The following EVL variants were observed in gnomAD, a reference collection of about 807,000 sequenced individuals.
EVL encodes ena/VASP-like protein.
In EVL, 21 loss-of-function variants were observed where a neutral mutation model predicts 59.6. The ratio of observed to expected loss-of-function variants is 0.35; its 90% CI spans 0.25 to 0.51. The LOEUF is 0.51. Among genes scored for constraint, EVL ranks in the 20% least tolerant of loss-of-function variants. The pLI is 0.97. For missense variants in EVL, 462 were observed against 546.6 expected (o/e 0.85, Z 1.54); for synonymous variants, 198 against 203.5 (o/e 0.97, Z 0.23).
intron 1 of EVL, among the ~76,000 whole-genome samples, chr14:100,018,368 TG>T (rs2061069192): frequency 6.6e-6 from 1 of 152,216 alleles, no homozygotes; most frequent in South Asian, 2.1e-4. Flanking sequence ...TAACTGAATT[TG>T]AAGGTGTGTG....
At chr14:100,010,000 A>G (rs1018227387) in intron 1 of EVL, among the ~76,000 whole-genome samples, 2 of 152,052 alleles carry the variant, frequency 1.3e-5, no homozygotes, top group Admixed American at 6.6e-5. Context: ...GGAAACTCTC[A>G]GACTTTAGAG....
intron 8 of EVL, among the ~76,000 whole-genome samples, chr14:100,133,359 A>G (rs1028799920): frequency 3.3e-5 from 5 of 152,170 alleles, no homozygotes; most frequent in Non-Finnish European, 7.3e-5. Context: ...AGCTTTTCCT[A>G]TAAAAAGACT....
At chr14:100,058,158 G>C (rs141504887) in intron 1 of EVL, among the ~76,000 whole-genome samples, 124 of 152,316 alleles carry the variant, frequency 8.1e-4, no homozygotes, top group African/African-American at 2.9e-3. Context: ...TTTTGAACTA[G>C]ATCTCCTAAG....
chr14:99,987,586 G>A (rs1414135385), intron 1 of EVL, among the ~76,000 whole-genome samples: 1 of 152,204 alleles, frequency 6.6e-6, no homozygotes, highest in Non-Finnish European at 1.5e-5. Context: ...AGGTTGCAGT[G>A]AGCCGAGATT....
intron 1 of EVL, among the ~76,000 whole-genome samples, chr14:100,058,930 C>G (rs1181851311): frequency 1.3e-5 from 2 of 152,092 alleles, no homozygotes; most frequent in African/African-American, 2.4e-5. Context: ...CCTAGTGAAA[C>G]TGATAAAAGA....
intron 1 of EVL, among the ~76,000 whole-genome samples, chr14:100,052,295 G>C (rs538135353): frequency 6.6e-6 from 1 of 152,300 alleles, no homozygotes; most frequent in Non-Finnish European, 1.5e-5. Context: ...TTCTATGTCA[G>C]ACCTTCTTTG....
At chr14:100,123,770 C>T (rs901044022) in intron 4 of EVL, among the ~76,000 whole-genome samples, 168 bp downstream of exon 4, 5 of 152,186 alleles carry the variant, frequency 3.3e-5, no homozygotes, top group African/African-American at 7.2e-5. Context: ...AAGAGGGGGC[C>T]GATGCGCAGC....
chr14:100,054,270 G>A (rs139891220), intron 1 of EVL, among the ~76,000 whole-genome samples: 1 of 151,768 alleles, frequency 6.6e-6, no homozygotes, highest in African/African-American at 2.4e-5. Flanking sequence ...GGCCAGGATG[G>A]TCTCGATCTT....
chr14:100,017,440 C>T (rs79299702), intron 1 of EVL, among the ~76,000 whole-genome samples: 1 of 152,308 alleles, frequency 6.6e-6, no homozygotes, highest in African/African-American at 2.4e-5. Flanking sequence ...GGTTAGAGAT[C>T]ATCTTGTGAG....
At chr14:99,994,617 T>TATGAAA in intron 1 of EVL, among the ~76,000 whole-genome samples, 1 of 152,218 alleles carries the variant, frequency 6.6e-6, no homozygotes, top group Admixed American at 6.5e-5. Context: ...TCATATCCAT[T>TATGAAA]AACAGACTTA....
chr14:100,004,746 T>C (rs1208467989), intron 1 of EVL, among the ~76,000 whole-genome samples: 1 of 152,162 alleles, frequency 6.6e-6, no homozygotes, highest in Non-Finnish European at 1.5e-5. Context: ...TCTTTATTGC[T>C]GTAACTTTCT....
At chr14:100,068,244 G>A (rs1323158279) in intron 1 of EVL, among the ~76,000 whole-genome samples, 2 of 152,134 alleles carry the variant, frequency 1.3e-5, no homozygotes, top group Non-Finnish European at 2.9e-5. Flanking sequence ...AGCTGGGGAC[G>A]AGGCCCTGAG....
chr14:100,055,948 A>G (rs1422263528), intron 1 of EVL, among the ~76,000 whole-genome samples: 1 of 151,948 alleles, frequency 6.6e-6, no homozygotes, highest in East Asian at 1.9e-4. Flanking sequence ...AGTAGCTGGG[A>G]TTACAGGTGC....
At chr14:100,028,136 T>G (rs2061247971) in intron 1 of EVL, among the ~76,000 whole-genome samples, 2 of 121,046 alleles carry the variant, frequency 1.7e-5, no homozygotes, top group South Asian at 4.6e-4. Flanking sequence ...GTTTGTTTGT[T>G]TTTTTTTTTT....
chr14:99,990,617 T>C (rs1348444007), intron 1 of EVL, among the ~76,000 whole-genome samples: 1 of 152,218 alleles, frequency 6.6e-6, no homozygotes, highest in Non-Finnish European at 1.5e-5. Context: ...TGTGACTGGC[T>C]AATTTCACTT....
At chr14:100,005,050 A>C (rs1472020073) in intron 1 of EVL, among the ~76,000 whole-genome samples, 1 of 152,252 alleles carries the variant, frequency 6.6e-6, no homozygotes, top group East Asian at 1.9e-4. Context: ...AAACTACAAC[A>C]GTCATCATTT....
intron 3 of EVL, chr14:100,106,936 C>T: frequency 2.5e-6 from 1 of 398,706 alleles, no homozygotes; most frequent in East Asian, 3.6e-5. Context: ...CTCTTCTCCT[C>T]CAGTGCCTGG....
rs561161137 is a variant in EVL at position 99,988,436 on chromosome 14, T to C, written c.5+16379T>C. Among the ~76,000 whole-genome samples, 3 of 152,286 alleles carry C rather than the reference T, an allele frequency of 2.0e-5. No homozygotes were observed. The East Asian group carries it at 5.8e-4, about 29-fold the overall frequency. ...TGAGGATGAGGATAACCCTTACACATTGGGAATGTGGATAAACCTCACATA... is the reference window on the plus strand; with the variant it reads ...TGAGGATGAGGATAACCCTTACACACTGGGAATGTGGATAAACCTCACATA... On this transcript the variant is annotated intron_variant, in intron 1 of 13. Coordinates refer to the EVL transcript ENST00000402714.
intron 1 of EVL, among the ~76,000 whole-genome samples, chr14:100,072,372 C>T (rs1003876533): frequency 1.3e-5 from 2 of 152,126 alleles, no homozygotes; most frequent in African/African-American, 2.4e-5. Flanking sequence ...GTAGCTGGGA[C>T]TACAGGCATG....
Sources: allele counts gnomAD v4.1 joint callset (sites outside exome capture counted in the v4.1 genomes callset), GRCh38; gene constraint gnomAD v4.1.1; transcripts MANE v1.5; gene names NCBI Gene and HGNC (gene_info 2026-07-23, HGNC 2026-07-21).